SHISA9: variants seen among roughly 807,000 people sequenced by gnomAD.
SHISA9 encodes shisa family member 9, also known as protein shisa-9.
Under a neutral mutation model 38.0 loss-of-function variants are expected in SHISA9, and 13 were observed. The ratio of observed to expected loss-of-function variants is 0.34; its 90% CI spans 0.22 to 0.54. The LOEUF is 0.54. Ranked by LOEUF, SHISA9 falls within the 20% of genes least tolerant of loss-of-function variation. The pLI, the probability that SHISA9 is intolerant of heterozygous loss-of-function variation, is 0.91. For synonymous variants in SHISA9, 275 were observed against 242.0 expected, an observed-to-expected ratio of 1.14 and a Z score of -1.27; for missense variants, 538 against 575.8, an observed-to-expected ratio of 0.93 and a Z score of 0.67.
In SHISA9 at chr16:12,939,794, G is replaced by T. The variant is rs186185205; in HGVS notation, c.691+22979G>T. ...CATCTGGCATATACCTGCTGTAGATGCTGTAGAACAGATTCTCTGCAAGTG... is the reference window on the plus strand; with the variant it reads ...CATCTGGCATATACCTGCTGTAGATTCTGTAGAACAGATTCTCTGCAAGTG... On this transcript the variant is annotated intron_variant, in intron 2 of 4. Transcript: ENST00000558583. Among the ~76,000 whole-genome samples, 281 of 152,306 alleles carry T rather than the reference G, an allele frequency of 1.8e-3. 3 individuals carry two copies. The highest frequency in any genetic ancestry group is 6.5e-3 in the African/African-American group (272 of 41,566).
intron 2 of SHISA9, among the ~76,000 whole-genome samples, chr16:13,063,573 G>C (rs147714087): frequency 1.3e-3 from 201 of 152,264 alleles, no homozygotes; most frequent in African/African-American, 4.3e-3. Flanking sequence ...GTTCATCTAA[G>C]TACTGGGTCC....
At chr16:13,432,012 G>T in the SHISA9 span, among the ~76,000 whole-genome samples, 1 of 152,210 alleles carries the variant, frequency 6.6e-6, no homozygotes, top group Admixed American at 6.5e-5. Flanking sequence ...AGTGAGCTGA[G>T]ATCATGCCGT....
At chr16:13,456,739 A>C in the SHISA9 span, among the ~76,000 whole-genome samples, 1 of 152,218 alleles carries the variant, frequency 6.6e-6, no homozygotes, top group Non-Finnish European at 1.5e-5. Flanking sequence ...CCATGTTGTC[A>C]ACTCTAACTC....
the SHISA9 span, among the ~76,000 whole-genome samples, chr16:13,485,685 T>C: frequency 1.3e-5 from 2 of 152,240 alleles, no homozygotes; most frequent in Non-Finnish European, 2.9e-5. Flanking sequence ...TTTTGAAATA[T>C]ACAATAAGTT....
At chr16:13,026,119 G>A (rs1327199071) in intron 2 of SHISA9, among the ~76,000 whole-genome samples, 4 of 152,182 alleles carry the variant, frequency 2.6e-5, no homozygotes, top group African/African-American at 9.7e-5. Flanking sequence ...AACATTTTAA[G>A]TGTATAATAC....
the SHISA9 span, among the ~76,000 whole-genome samples, chr16:13,357,245 C>T: frequency 1.3e-5 from 2 of 152,138 alleles, no homozygotes; most frequent in Non-Finnish European, 2.9e-5. Context: ...GGGTGAAGTC[C>T]GTGACCGGCG....
chr16:13,275,816 C>A, the SHISA9 span, among the ~76,000 whole-genome samples: 1 of 152,092 alleles, frequency 6.6e-6, no homozygotes, highest in Non-Finnish European at 1.5e-5. Flanking sequence ...AATAACCTCT[C>A]TTTCCTTCCT....
chr16:13,463,715 C>T, the SHISA9 span, among the ~76,000 whole-genome samples: 2 of 152,294 alleles, frequency 1.3e-5, no homozygotes, highest in African/African-American at 4.8e-5. Flanking sequence ...ATGGTTGTGG[C>T]TGGGACAGGA....
the SHISA9 span, among the ~76,000 whole-genome samples, chr16:13,551,829 C>T: frequency 6.6e-6 from 1 of 152,146 alleles, no homozygotes; most frequent in African/African-American, 2.4e-5. Flanking sequence ...GAGTTCAAGA[C>T]CAGCCTGGCC....
intron 2 of SHISA9, among the ~76,000 whole-genome samples, chr16:13,087,668 G>C: frequency 6.6e-6 from 1 of 152,062 alleles, no homozygotes; most frequent in Non-Finnish European, 1.5e-5. Flanking sequence ...CTTTTTGATG[G>C]GGTTGTTTGT....
intron 3 of SHISA9, among the ~76,000 whole-genome samples, chr16:13,211,187 C>G (rs923211377): frequency 6.6e-6 from 1 of 151,954 alleles, no homozygotes; most frequent in African/African-American, 2.4e-5. Flanking sequence ...ACCTCACCTA[C>G]TTGGGAGGCT....
the SHISA9 span, among the ~76,000 whole-genome samples, chr16:13,261,984 C>A: frequency 2.6e-5 from 4 of 152,122 alleles, no homozygotes; most frequent in African/African-American, 9.7e-5. Flanking sequence ...ACTGTGCAGC[C>A]TTCATATCAA....
chr16:13,072,912 C>T (rs755410157), intron 2 of SHISA9, among the ~76,000 whole-genome samples: 7 of 152,152 alleles, frequency 4.6e-5, no homozygotes, highest in Non-Finnish European at 8.8e-5. Context: ...CCACCCACCT[C>T]GGCCTCCCAA....
At chr16:12,988,683 G>A (rs1453407627) in intron 2 of SHISA9, among the ~76,000 whole-genome samples, 1 of 151,748 alleles carries the variant, frequency 6.6e-6, no homozygotes, top group Non-Finnish European at 1.5e-5. Flanking sequence ...CCCCAACCAT[G>A]CCCGACTATT....
chr16:13,016,001 T>C (rs1555454872), intron 2 of SHISA9, among the ~76,000 whole-genome samples: 1 of 12,706 alleles, frequency 7.9e-5, no homozygotes, highest in Non-Finnish European at 1.5e-4. Context: ...TTTCTTTTCT[T>C]CCTTGAGACA....
At chr16:13,035,800 A>G (rs2073053189) in intron 2 of SHISA9, among the ~76,000 whole-genome samples, 2 of 152,166 alleles carry the variant, frequency 1.3e-5, no homozygotes, top group Admixed American at 6.5e-5. Flanking sequence ...CATCATAAAG[A>G]TCTGGGATTT....
At chr16:13,176,971 G>C (rs1469955863) in intron 2 of SHISA9, among the ~76,000 whole-genome samples, 1 of 152,102 alleles carries the variant, frequency 6.6e-6, no homozygotes, top group African/African-American at 2.4e-5. Context: ...ATTACAGACT[G>C]TCTCCCAGCT....
chr16:13,491,738 C>T, the SHISA9 span, among the ~76,000 whole-genome samples: 1 of 150,774 alleles, frequency 6.6e-6, no homozygotes, highest in Non-Finnish European at 1.5e-5. Flanking sequence ...GATCCACCCG[C>T]CTCGACCTCC....
At chr16:13,058,286 A>G (rs1272260940) in intron 2 of SHISA9, among the ~76,000 whole-genome samples, 2 of 152,218 alleles carry the variant, frequency 1.3e-5, no homozygotes, top group Non-Finnish European at 2.9e-5. Context: ...CTAGAGTTAC[A>G]GAATGTGCCT....
Sources: gnomAD v4.1 joint callset for allele counts (sites outside exome capture counted in the v4.1 genomes callset) on GRCh38, gnomAD v4.1.1 for gene constraint, MANE v1.5 for transcripts, NCBI Gene and HGNC (gene_info 2026-07-23, HGNC 2026-07-21) for gene names.